The following PCDH15 variants were observed in gnomAD, a reference collection of about 807,000 sequenced individuals.
The protein encoded by PCDH15 is protocadherin related 15, also known as protocadherin-15.
A neutral mutation model predicts 178.5 loss-of-function variants in PCDH15; 129 were observed. The observed-to-expected ratio is 0.72, with a 90% CI of 0.63 to 0.84. The LOEUF (loss-of-function observed/expected upper bound fraction) is 0.84. Ranked by LOEUF, PCDH15 falls within the 40% of genes least tolerant of loss-of-function variation. The pLI, the probability that PCDH15 is intolerant of heterozygous loss-of-function variation, is 0.00. For synonymous variants in PCDH15, 800 were observed against 732.0 expected, an observed-to-expected ratio of 1.09 and a Z score of -1.50; for missense variants, 2,230 against 2,099.9, an observed-to-expected ratio of 1.06 and a Z score of -1.21.
In PCDH15 at chr10:55,393,260, C is replaced by T. The variant is rs140921333; in HGVS notation, c.-155-226609G>A. Among the ~76,000 whole-genome samples, 503 of 152,132 alleles carry T rather than the reference C, an allele frequency of 3.3e-3. 2 individuals are homozygous for T. Among genetic ancestry groups the T allele is most frequent in the African/African-American group, 9.8e-3 (407 of 41,520 alleles). Reference sequence around the variant, plus strand: ...GGTCCCACCCTCAGGGGTTCTGATTCGGTAGATCTGGAGGGGATCCCAATA... The same window carrying T: ...GGTCCCACCCTCAGGGGTTCTGATTTGGTAGATCTGGAGGGGATCCCAATA... On this transcript the variant is annotated intron_variant, in intron 2 of 5. Transcript: ENST00000613346.
intron 2 of PCDH15, among the ~76,000 whole-genome samples, chr10:54,657,077 A>G (rs2094419165): frequency 6.6e-6 from 1 of 152,220 alleles, no homozygotes; most frequent in East Asian, 1.9e-4. Flanking sequence ...CAGACAAGCT[A>G]CAAAGTTGTC....
chr10:55,128,527 C>T (rs1350636124), intron 2 of PCDH15, among the ~76,000 whole-genome samples: 1 of 151,736 alleles, frequency 6.6e-6, no homozygotes. Context: ...TAAAATGATC[C>T]CCTAGGAAGC....
chr10:54,537,323 T>C (rs1052192024), intron 2 of PCDH15, among the ~76,000 whole-genome samples: 6 of 152,036 alleles, frequency 3.9e-5, no homozygotes, highest in Admixed American at 3.9e-4. Context: ...TTTAGATATA[T>C]AACCAGTAAT....
intron 1 of PCDH15, among the ~76,000 whole-genome samples, chr10:55,263,176 G>T (rs192986889): frequency 6.6e-6 from 1 of 151,880 alleles, no homozygotes; most frequent in African/African-American, 2.4e-5. Context: ...TTTCCTGCAG[G>T]TAAGAGGCTC....
intron 1 of PCDH15, among the ~76,000 whole-genome samples, chr10:54,679,186 T>A (rs570845095): frequency 3.1e-4 from 32 of 104,038 alleles, no homozygotes; most frequent in African/African-American, 1.3e-3. Context: ...CGAGACTCCG[T>A]CTCAAAAAAA....
chr10:54,104,744 G>A (rs1204142786), intron 15 of PCDH15, among the ~76,000 whole-genome samples: 2 of 150,748 alleles, frequency 1.3e-5, no homozygotes, highest in African/African-American at 4.9e-5. Context: ...GGCTGAGGCA[G>A]GAGAACGGCA....
At chr10:54,999,726 G>A (rs916927289) in intron 2 of PCDH15, among the ~76,000 whole-genome samples, 20 of 152,274 alleles carry the variant, frequency 1.3e-4, no homozygotes, top group Non-Finnish European at 2.2e-4. Flanking sequence ...GCCAGATATC[G>A]GGCGAAATTC....
intron 1 of PCDH15, among the ~76,000 whole-genome samples, chr10:55,239,462 A>G (rs1841484578): frequency 6.6e-6 from 1 of 152,182 alleles, no homozygotes; most frequent in Non-Finnish European, 1.5e-5. Flanking sequence ...TAGTCTCTTT[A>G]ATAAATGGTG....
At chr10:54,287,168 G>A (rs2059081187) in intron 8 of PCDH15, among the ~76,000 whole-genome samples, 1 of 151,872 alleles carries the variant, frequency 6.6e-6, no homozygotes, top group Admixed American at 6.6e-5. Context: ...TAAATTTACT[G>A]ACTTCTCAAA....
At chr10:54,585,596 G>A in intron 2 of PCDH15, 1 of 191,808 alleles carries the variant, frequency 5.2e-6, no homozygotes, top group Non-Finnish European at 1.1e-5. Flanking sequence ...GGCATCATCA[G>A]TCCTCCTAGC....
At position 55,328,913 on chromosome 10, in the gene PCDH15, CATATATATA is replaced by C. The variant is rs1268144589; in HGVS notation, c.-155-162271_-155-162263del. Among the ~76,000 whole-genome samples the C allele has an allele frequency of 2.7e-5, 3 of 111,318 alleles. No individual in the cohort carries two copies. The East Asian group carries it at 9.3e-4, about 35-fold the overall frequency. 73.0% of individuals were successfully genotyped at this position (111,318 alleles called of 152,430 possible). A position where few individuals can be genotyped will look rare whatever the true frequency, so the allele number is the denominator to read the frequency against. ...AGATGACTGTATATTTTCACACAAACATATATATATATATATATATATATATATATATAT... is the reference window on the plus strand; with the variant it reads ...AGATGACTGTATATTTTCACACAAACTATATATATATATATATATATATAT... On this transcript the variant is annotated intron_variant, in intron 2 of 5. Coordinates refer to the PCDH15 transcript ENST00000613346.
At chr10:54,418,275 T>G (rs1369678780) in intron 3 of PCDH15, among the ~76,000 whole-genome samples, 1 of 152,318 alleles carries the variant, frequency 6.6e-6, no homozygotes, top group East Asian at 1.9e-4. Flanking sequence ...TATATTATTT[T>G]GACTGTTTGT....
At chr10:54,118,019 T>A (rs753782425) in intron 15 of PCDH15, among the ~76,000 whole-genome samples, 1 of 152,164 alleles carries the variant, frequency 6.6e-6, no homozygotes, top group Non-Finnish European at 1.5e-5. Flanking sequence ...CCAATGTCAT[T>A]ATTCATAGAA....
At chr10:55,149,288 C>G (rs1031631787) in intron 2 of PCDH15, among the ~76,000 whole-genome samples, 1 of 151,508 alleles carries the variant, frequency 6.6e-6, no homozygotes, top group Non-Finnish European at 1.5e-5. Context: ...AATATTCTAG[C>G]ACTTATTTAA....
chr10:55,090,016 T>C (rs1418929089), intron 2 of PCDH15, among the ~76,000 whole-genome samples: 3 of 152,078 alleles, frequency 2.0e-5, no homozygotes, highest in Admixed American at 2.0e-4. Flanking sequence ...GAGGCTAAAA[T>C]AATAAAGTTG....
At chr10:53,999,115 T>A (rs2091998762) in intron 20 of PCDH15, among the ~76,000 whole-genome samples, 1 of 150,642 alleles carries the variant, frequency 6.6e-6, no homozygotes, top group South Asian at 2.1e-4. Context: ...ATACTAAAGC[T>A]AATTCAGGCT....
In PCDH15 at chr10:54,524,300, C is replaced by T. The variant is rs530141924; in HGVS notation, c.157+3512G>A. On this transcript the variant is annotated intron_variant, in intron 3 of 37. Transcript: ENST00000644397. ...TCAGGGTGGGTTTTCTAATCTCTCA[C>T]GTAGTGATATCCTTTTGTCTCTGCA... 5.9e-5 allele frequency among the ~76,000 whole-genome samples: 9 copies of T among 152,176 alleles called. No individual in the cohort carries two copies. The South Asian group carries it at 1.2e-3, about 21-fold the overall frequency.
intron 4 of PCDH15, among the ~76,000 whole-genome samples, chr10:54,369,895 A>AT (rs1327910766): frequency 1.3e-5 from 2 of 152,076 alleles, no homozygotes; most frequent in South Asian, 2.1e-4. Context: ...TTACTATAGC[A>AT]TTTTTTGTAT....
rs143419144 is a variant in PCDH15, at chr10:54,660,977, C to T, written c.91+3195G>A. ...AAACATACTGCAAAATAATAAGAGC[C>T]GTCTATGACAAACCCACAACTAATA... On this transcript the variant is annotated intron_variant, in intron 2 of 37. Coordinates refer to ENST00000644397, the MANE Select transcript of PCDH15 (RefSeq NM_001384140.1). 2.9e-3 allele frequency among the ~76,000 whole-genome samples: 446 copies of T among 151,806 alleles called. 2 individuals are homozygous for T. Among genetic ancestry groups the T allele is most frequent in the Admixed American group, 8.3e-3 (126 of 15,234 alleles).
Sources: allele counts gnomAD v4.1 joint callset (sites outside exome capture counted in the v4.1 genomes callset), GRCh38; gene constraint gnomAD v4.1.1; transcripts MANE v1.5; gene names NCBI Gene and HGNC (gene_info 2026-07-23, HGNC 2026-07-21).